Variants in SUN1 observed in about 807,000 individuals in gnomAD.
SUN1 encodes the protein SUN domain-containing protein 1.
SUN1 carries 61 observed loss-of-function variants against 103.2 expected under a neutral mutation model. The ratio of observed to expected loss-of-function variants is 0.59; its 90% CI spans 0.48 to 0.73. The LOEUF (loss-of-function observed/expected upper bound fraction) is 0.73. Among genes scored for constraint, SUN1 ranks in the 30% least tolerant of loss-of-function variants. SUN1 has a pLI of 0.00. For synonymous variants in SUN1, 490 were observed against 425.7 expected (o/e 1.15, Z -1.86); for missense variants, 1,052 against 1,034.6 (o/e 1.02, Z -0.23).
intron 15 of SUN1, 96 bp downstream of exon 15, chr7:861,560 A>T: frequency 8.5e-7 from 1 of 1,173,018 alleles, no homozygotes; most frequent in Non-Finnish European, 1.3e-6. Flanking sequence ...TTCCAGCAGT[A>T]AGGACTCCTA....
intron 5 of SUN1, chr7:848,299 A>G: frequency 6.7e-6 from 6 of 901,252 alleles, no homozygotes; most frequent in Middle Eastern, 2.6e-4. Context: ...TCCCCAAGTG[A>G]TTATCTTTGG....
intron 1 of SUN1, among the ~76,000 whole-genome samples, chr7:825,897 G>GT (rs35417722): frequency 0.41 from 60,350 of 148,546 alleles, 12,300 homozygotes; most frequent in East Asian, 0.53. Flanking sequence ...TTTAGTACTG[G>GT]TTTTTTTTTT....
At chr7:858,229 A>G (rs1363576609) in intron 13 of SUN1, among the ~76,000 whole-genome samples, 1 of 151,858 alleles carries the variant, frequency 6.6e-6, no homozygotes, top group Non-Finnish European at 1.5e-5. Context: ...TAATTTTTGT[A>G]TTTTTAGTAG....
At chr7:872,746 C>A (rs1032053495) in intron 18 of SUN1, among the ~76,000 whole-genome samples, 184 bp downstream of exon 18, 2 of 152,196 alleles carry the variant, frequency 1.3e-5, no homozygotes, top group Admixed American at 6.5e-5. Context: ...CTCAGTTTTA[C>A]CCGTGCTTCA....
At chr7:818,616 A>G (rs1233614806) in intron 1 of SUN1, among the ~76,000 whole-genome samples, 1 of 152,214 alleles carries the variant, frequency 6.6e-6, no homozygotes, top group East Asian at 1.9e-4. Context: ...AGGAACTGCC[A>G]AACTGTTTTT....
chr7:865,923 A>T (rs1312987878), intron 15 of SUN1, 29 bp from the exon 16 acceptor site: 6 of 1,595,536 alleles, frequency 3.8e-6, no homozygotes, highest in Admixed American at 1.7e-5. Context: ...GGAACTGGAC[A>T]CTGAGACCGA....
At chr7:824,988 G>GGACT (rs1408251138) in intron 1 of SUN1, among the ~76,000 whole-genome samples, 9 of 152,112 alleles carry the variant, frequency 5.9e-5, no homozygotes, top group Non-Finnish European at 1.0e-4. Flanking sequence ...GGACCCCAGA[G>GGACT]GACTGTCTGC....
In SUN1 at chr7:843,181, TG is replaced by T. The variant is rs775246725; in HGVS notation, c.452-24del. On this transcript the variant is annotated intron_variant, in intron 3 of 18. Transcript: ENST00000401592. Reference sequence around the variant, plus strand: ...AGCTGAGCTCAACAGCAAAAATGTGTGTGTGTGTGTGTTTTTTTTTTTAGGT... The same window carrying T: ...AGCTGAGCTCAACAGCAAAAATGTGTTGTGTGTGTGTTTTTTTTTTTAGGT... 20 of 1,590,332 alleles carry T rather than the reference TG, an allele frequency of 1.3e-5. No individual in the cohort carries two copies. The Admixed American group carries it at 3.5e-4, about 28-fold the overall frequency.
At position 872,541 on chromosome 7, in the gene SUN1, G is replaced by A. The variant is rs375028589; in HGVS notation, c.2220G>A (p.Ser740=). ...TCACGTATGATCAGGATGGGGAGTCGCTCCAGATGTTCCAGGCCCTGGTAA... is the reference window on the plus strand; with the variant it reads ...TCACGTATGATCAGGATGGGGAGTCACTCCAGATGTTCCAGGCCCTGGTAA... The part of the protein sequence containing the change: ...GQFTYDQDGE[S]LQMFQALKRP... The change falls in exon 18 of 19, where the codon TCG becomes TCA. Residue 740 remains serine, a synonymous_variant. Transcript: ENST00000401592. 3.3e-5 allele frequency: 52 copies of A among 1,594,032 alleles called. No homozygotes were observed. The highest frequency in any genetic ancestry group is 1.7e-4 in the Middle Eastern group (1 of 6,060).
At chr7:844,411 G>A (rs1813154493) in intron 5 of SUN1, among the ~76,000 whole-genome samples, 1 of 152,228 alleles carries the variant, frequency 6.6e-6, no homozygotes, top group African/African-American at 2.4e-5. Context: ...TCCGAGCCTG[G>A]CATTGCCCGG....
At position 860,357 on chromosome 7, in the gene SUN1, C is replaced by T. The variant is rs377135952; in HGVS notation, c.1754C>T (p.Ala585Val). The T allele has an allele frequency of 1.0e-4, 167 of 1,613,776 alleles. No homozygotes were observed. The highest frequency in any genetic ancestry group is 5.8e-4 in the Admixed American group (35 of 60,002). The change falls in exon 14 of 19, where the codon GCG (alanine) becomes GTG (valine). Residue 585 changes from alanine (A) to valine (V), a missense_variant. This residue lies in a region of SUN1 where 846 missense variants were observed against 774.5 expected (regional missense o/e 1.09). Coordinates refer to ENST00000401592, the MANE Select transcript of SUN1 (RefSeq NM_001130965.3). The part of the protein sequence containing the change: ...SEAVVSAVSE[A>V]GASGITEAQA... ...GCCGTGGTGTCTGCTGTGAGCGAGG[C>T]GGGGGCGTCTGGAATAACAGAGGCG...
At chr7:844,152 A>G (rs1812850617) in intron 5 of SUN1, among the ~76,000 whole-genome samples, 1 of 152,252 alleles carries the variant, frequency 6.6e-6, no homozygotes, top group Admixed American at 6.5e-5. Context: ...CAGGAGAGAC[A>G]GAACCACAGG....
At chr7:849,944 G>A (rs1820300798) in intron 5 of SUN1, 1 of 1,599,790 alleles carries the variant, frequency 6.3e-7, no homozygotes, top group African/African-American at 1.3e-5. Context: ...AAGGGCAAGA[G>A]GCACCTCGAC....
At chr7:871,149 A>G (rs916651513) in intron 17 of SUN1, among the ~76,000 whole-genome samples, 2 of 152,052 alleles carry the variant, frequency 1.3e-5, no homozygotes, top group Non-Finnish European at 2.9e-5. Context: ...AATTTCTGCT[A>G]ACTTGATAGG....
rs767286803 is a variant in SUN1, at chr7:857,818, T to TG, written c.1395-8dup. ...CTTGTGTGTGACCCATTCTCACTGT[T>TG]GGATTCCAGTGCGGTTGGTGAGCAG... On this transcript the variant is annotated splice_polypyrimidine_tract_variant and intron_variant, in intron 12 of 18. Transcript: ENST00000401592. The TG allele has an allele frequency of 3.2e-6, 5 of 1,571,362 alleles. No homozygotes were observed. The Admixed American group carries it at 5.4e-5, about 17-fold the overall frequency.
At chr7:864,940 TTC>T (rs905821180) in intron 15 of SUN1, among the ~76,000 whole-genome samples, 1 of 151,758 alleles carries the variant, frequency 6.6e-6, no homozygotes, top group African/African-American at 2.4e-5. Context: ...CATTCTTTTT[TTC>T]TCTGGACCCA....
Position 851,468 on chromosome 7 carries a change from C to T in SUN1, c.743C>T (p.Ala248Val), listed in dbSNP as rs1393440678. The T allele has an allele frequency of 6.2e-7, 1 of 1,606,730 alleles. No individual in the cohort carries two copies. ...ACGGCGTGGTCGGCCCTTTGGCTGGCCGTGGTTGCTCCAGGTGGCTATTTT... is the reference window on the plus strand; with the variant it reads ...ACGGCGTGGTCGGCCCTTTGGCTGGTCGTGGTTGCTCCAGGTGGCTATTTT... ...SRTAWSALWL[A>V]VVAPGKAASG... is the part of the protein sequence containing the mutation. The change falls in exon 6 of 19, where the codon GCC (alanine) becomes GTC (valine). Residue 248 changes from alanine (A) to valine (V), a missense_variant. By Grantham distance (64) the Ala-to-Val change is moderately conservative. Transcript: ENST00000401592.
rs375668872 is a variant in SUN1 at position 838,977 on chromosome 7, G to A, written c.257G>A (p.Arg86Gln). 8.8e-6 allele frequency: 14 copies of A among 1,584,852 alleles called. No homozygotes were observed. The highest frequency in any genetic ancestry group is 6.8e-5 in the East Asian group (3 of 44,226). The part of the protein sequence containing the change: ...GTSSAVSLKN[R>Q]AARTTKQRRS... Reference sequence around the variant, plus strand: ...AGCAGCGCTGTCTCCCTGAAGAACCGAGCGGCCAGGTGAGCACCGCTGCAC... The same window carrying A: ...AGCAGCGCTGTCTCCCTGAAGAACCAAGCGGCCAGGTGAGCACCGCTGCAC... Residue 86 changes from arginine to glutamine, a missense_variant, in exon 2 of 19, where the codon CGA (arginine) becomes CAA (glutamine). By Grantham distance (43) the Arg-to-Gln change is conservative. Transcript: ENST00000401592.
chr7:817,600 T>G, intron 1 of SUN1: 1 of 1,386,666 alleles, frequency 7.2e-7, no homozygotes, highest in Non-Finnish European at 9.8e-7. Flanking sequence ...TTGTGTCTTC[T>G]AAGCTTCAGT....
Sources: gnomAD v4.1 joint callset for allele counts (sites outside exome capture counted in the v4.1 genomes callset) on GRCh38, gnomAD v4.1.1 for gene constraint, gnomAD v4.1.1 regional missense constraint, MANE v1.5 for transcripts, NCBI Gene and HGNC (gene_info 2026-07-23, HGNC 2026-07-21) for gene names.